Variants in ESRRG observed in about 807,000 individuals in gnomAD.
ESRRG encodes estrogen related receptor gamma, also known as estrogen-related receptor gamma.
ESRRG carries 13 observed loss-of-function variants against 44.0 expected under a neutral mutation model. The observed-to-expected ratio is 0.30, with a 90% CI of 0.19 to 0.47. ESRRG has a LOEUF of 0.47. Ranked by LOEUF, ESRRG falls within the 20% of genes least tolerant of loss-of-function variation. The pLI is 1.00. For synonymous variants in ESRRG, 215 were observed against 214.6 expected (o/e 1.00, Z -0.02); for missense variants, 395 against 580.6 (o/e 0.68, Z 3.29).
intron 2 of ESRRG, among the ~76,000 whole-genome samples, chr1:216,850,719 C>T (rs1017438474): frequency 4.0e-5 from 6 of 151,770 alleles, no homozygotes; most frequent in Admixed American, 2.6e-4. Context: ...TAAACTCTTC[C>T]TGTGATCTGT....
chr1:216,537,962 C>T (rs2051503207), intron 5 of ESRRG, among the ~76,000 whole-genome samples: 2 of 152,206 alleles, frequency 1.3e-5, no homozygotes, highest in Admixed American at 6.5e-5. Flanking sequence ...TATTTCTGTG[C>T]ACTGGATATT....
intron 2 of ESRRG, among the ~76,000 whole-genome samples, chr1:216,836,363 TAAG>T (rs2148816104): frequency 6.6e-6 from 1 of 152,342 alleles, no homozygotes; most frequent in African/African-American, 2.4e-5. Context: ...ACAGGAAGAA[TAAG>T]AGAAAACAAG....
intron 2 of ESRRG, among the ~76,000 whole-genome samples, chr1:216,674,332 G>A (rs867627235): frequency 5.3e-5 from 8 of 152,058 alleles, no homozygotes; most frequent in African/African-American, 1.9e-4. Context: ...TTAAACTTAA[G>A]TATTCTGAGG....
chr1:216,704,304 A>T (rs2813670), intron 1 of ESRRG, among the ~76,000 whole-genome samples: 57 of 152,162 alleles, frequency 3.7e-4, no homozygotes, highest in African/African-American at 1.3e-3. Flanking sequence ...ACCTGAGGTC[A>T]GGCGTTCAAG....
At chr1:216,860,163 G>A (rs2096024438) in intron 2 of ESRRG, among the ~76,000 whole-genome samples, 1 of 152,142 alleles carries the variant, frequency 6.6e-6, no homozygotes, top group African/African-American at 2.4e-5. Flanking sequence ...TATTCATGAG[G>A]CTGAGACAGA....
At chr1:216,614,745 G>A (rs564717164) in intron 3 of ESRRG, among the ~76,000 whole-genome samples, 2 of 152,232 alleles carry the variant, frequency 1.3e-5, no homozygotes, top group South Asian at 4.2e-4. Context: ...AATGTCTCTT[G>A]GCTAAATCCT....
At chr1:216,885,656 T>C (rs537997058) in intron 2 of ESRRG, among the ~76,000 whole-genome samples, 2 of 152,290 alleles carry the variant, frequency 1.3e-5, no homozygotes, top group South Asian at 4.1e-4. Flanking sequence ...TTTAATTTCA[T>C]CTTGCCAGGG....
intron 1 of ESRRG, among the ~76,000 whole-genome samples, chr1:216,715,695 G>A (rs1007366749): frequency 6.6e-6 from 1 of 151,826 alleles, no homozygotes; most frequent in Non-Finnish European, 1.5e-5. Flanking sequence ...TGACTAATAT[G>A]CATTTACTAT....
chr1:216,878,310 A>T (rs2096389240), intron 2 of ESRRG, among the ~76,000 whole-genome samples: 1 of 152,106 alleles, frequency 6.6e-6, no homozygotes, highest in Admixed American at 6.5e-5. Context: ...CTTTTTATAC[A>T]CTAGATACTA....
intron 2 of ESRRG, among the ~76,000 whole-genome samples, chr1:216,665,312 G>A (rs1236732801): frequency 6.6e-6 from 1 of 152,086 alleles, no homozygotes; most frequent in Non-Finnish European, 1.5e-5. Flanking sequence ...TCCTCTGGGG[G>A]CCTTGGTACA....
chr1:216,567,989 T>C lies in ESRRG; in HGVS notation c.699A>G (p.Pro233=). 2 of 1,605,480 alleles carry C rather than the reference T, an allele frequency of 1.2e-6. No individual in the cohort carries two copies. The highest frequency in any genetic ancestry group is 1.7e-6 in the Non-Finnish European group (2 of 1,172,302). ...NPQLVQPAKK[P]YNKIVSHLLV... ...GCCAGACACATCTGCTGTACTTACA[T>C]GGCTTTTTGGCTGGCTGAACCAGCT... Residue 233 remains proline, a splice_region_variant and synonymous_variant, in exon 4 of 7, where the codon CCA becomes CCG. Transcript: ENST00000408911.
intron 1 of ESRRG, among the ~76,000 whole-genome samples, chr1:216,953,185 C>T (rs2067274076): frequency 6.6e-6 from 1 of 152,150 alleles, no homozygotes; most frequent in Non-Finnish European, 1.5e-5. Context: ...AATTATCCAT[C>T]CATCTCGTTC....
At chr1:217,131,332 G>GAA (rs113025776) in intron 1 of ESRRG, among the ~76,000 whole-genome samples, 5 of 139,940 alleles carry the variant, frequency 3.6e-5, no homozygotes, top group African/African-American at 1.0e-4. Flanking sequence ...AAATAGCAAA[G>GAA]AAAAAAAAAA....
chr1:216,523,735 T>C (rs2046810019), intron 5 of ESRRG, among the ~76,000 whole-genome samples: 1 of 152,062 alleles, frequency 6.6e-6, no homozygotes, highest in Admixed American at 6.6e-5. Context: ...TCGGCTGCTT[T>C]CTTGAAATAG....
intron 1 of ESRRG, among the ~76,000 whole-genome samples, chr1:216,983,391 C>G (rs914918963): frequency 6.6e-6 from 1 of 151,802 alleles, no homozygotes; most frequent in Admixed American, 6.6e-5. Flanking sequence ...GCCACCACAC[C>G]TGGCTAACTT....
intron 2 of ESRRG, among the ~76,000 whole-genome samples, chr1:216,931,456 T>C (rs1262138653): frequency 6.6e-6 from 1 of 152,182 alleles, no homozygotes; most frequent in Non-Finnish European, 1.5e-5. Context: ...AAATGGACTC[T>C]GTCTTCCCAA....
intron 1 of ESRRG, among the ~76,000 whole-genome samples, chr1:216,697,721 T>C (rs2080465505): frequency 6.6e-6 from 1 of 152,230 alleles, no homozygotes; most frequent in African/African-American, 2.4e-5. Flanking sequence ...TCCATCAGAT[T>C]CCATGTGGAT....
chr1:216,561,745 C>T (rs2058785500), intron 5 of ESRRG, among the ~76,000 whole-genome samples: 2 of 151,872 alleles, frequency 1.3e-5, no homozygotes, highest in African/African-American at 4.8e-5. Context: ...TTTGCTAATC[C>T]CTTTCTGAAA....
At chr1:216,762,891 G>A (rs1337571744) in intron 2 of ESRRG, among the ~76,000 whole-genome samples, 3 of 151,738 alleles carry the variant, frequency 2.0e-5, no homozygotes, top group Non-Finnish European at 4.4e-5. Context: ...ACAAATCCCT[G>A]GATTATTATT....
Sources: gnomAD v4.1 joint callset for allele counts (sites outside exome capture counted in the v4.1 genomes callset) on GRCh38, gnomAD v4.1.1 for gene constraint, MANE v1.5 for transcripts, NCBI Gene and HGNC (gene_info 2026-07-23, HGNC 2026-07-21) for gene names.